The following ABCB5 variants were observed in gnomAD, a reference collection of about 807,000 sequenced individuals.
ABCB5 encodes the protein ATP binding cassette subfamily B member 5.
In ABCB5, 155 loss-of-function variants were observed where a neutral mutation model predicts 144.2. The ratio of observed to expected loss-of-function variants is 1.08; its 90% CI spans 0.94 to 1.23. The LOEUF (loss-of-function observed/expected upper bound fraction) is 1.23, where lower values mean the gene tolerates loss of function less well. Ranked by LOEUF, ABCB5 falls within the 50% of genes most tolerant of loss-of-function variation. The probability of loss-of-function intolerance (pLI) is 0.00; values close to 1 mark genes in which losing one functional copy is unlikely to be tolerated. For missense variants in ABCB5, 1,830 were observed against 1,520.8 expected, an observed-to-expected ratio of 1.20 and a Z score of -3.38; for synonymous variants, 610 against 528.6, an observed-to-expected ratio of 1.15 and a Z score of -2.11.
chr7:20,688,985 G>C (rs561517526), intron 16 of ABCB5, among the ~76,000 whole-genome samples: 12 of 151,538 alleles, frequency 7.9e-5, no homozygotes, highest in Non-Finnish European at 1.5e-4. Flanking sequence ...GGAGAGGGGG[G>C]AGGGATAGCA....
At chr7:20,749,074 TTCTC>T (rs1167383734) in intron 26 of ABCB5, among the ~76,000 whole-genome samples, 6 of 151,670 alleles carry the variant, frequency 4.0e-5, no homozygotes, top group South Asian at 2.1e-4. Flanking sequence ...CTCCCTTTCT[TTCTC>T]TTTCTTTCTT....
At chr7:20,691,919 G>C (rs1345181057) in intron 16 of ABCB5, among the ~76,000 whole-genome samples, 1 of 151,318 alleles carries the variant, frequency 6.6e-6, no homozygotes, top group African/African-American at 2.4e-5. Flanking sequence ...CAAAAAAGGA[G>C]AAAAAAAATG....
At chr7:20,695,529 A>C (rs886575328) in intron 16 of ABCB5, among the ~76,000 whole-genome samples, 3 of 151,954 alleles carry the variant, frequency 2.0e-5, no homozygotes, top group African/African-American at 7.2e-5. Context: ...TAAATATAAC[A>C]ACAAATGCAT....
At chr7:20,691,799 A>C (rs902819679) in intron 16 of ABCB5, among the ~76,000 whole-genome samples, 13 of 152,060 alleles carry the variant, frequency 8.5e-5, no homozygotes, top group African/African-American at 2.7e-4. Flanking sequence ...AGTAATTTAA[A>C]TGTGTTCCAG....
At chr7:20,739,336 A>G (rs955647250) in intron 24 of ABCB5, among the ~76,000 whole-genome samples, 197 bp downstream of exon 24, 3 of 152,196 alleles carry the variant, frequency 2.0e-5, no homozygotes, top group African/African-American at 4.8e-5. Flanking sequence ...AAACCTGCGC[A>G]TATACTCCTG....
chr7:20,625,368 A>G (rs1004970727), intron 2 of ABCB5, among the ~76,000 whole-genome samples: 1 of 151,942 alleles, frequency 6.6e-6, no homozygotes, highest in Non-Finnish European at 1.5e-5. Flanking sequence ...TTAATGTTTC[A>G]GAATTTTGCG....
At position 20,723,155 on chromosome 7, in the gene ABCB5, T is replaced by C. The variant is rs777722097; in HGVS notation, c.2561T>C (p.Ile854Thr). The C allele has an allele frequency of 5.0e-6, 8 of 1,614,018 alleles. No homozygotes were observed. The highest frequency in any genetic ancestry group is 1.6e-4 in the Middle Eastern group (1 of 6,082). The change falls in exon 21 of 28, where the codon ATT becomes ACT. Residue 854 changes from isoleucine to threonine, a missense_variant. Transcript: ENST00000404938. The part of the protein sequence containing the change: ...IAPVLAVTGM[I>T]ETAAMTGFAN... ...CCAGTACTTGCCGTGACAGGAATGA[T>C]TGAAACCGCAGCAATGACTGGATTT... is the stretch of plus-strand genomic sequence containing the variant.
chr7:20,689,439 T>G (rs1786133349), intron 16 of ABCB5, among the ~76,000 whole-genome samples: 1 of 152,200 alleles, frequency 6.6e-6, no homozygotes, highest in Admixed American at 6.5e-5. Flanking sequence ...TACTGGCCAC[T>G]GAGCACTACT....
At chr7:20,704,621 G>A (rs1786755285) in intron 19 of ABCB5, 103 bp from the exon 20 acceptor site, 4 of 758,342 alleles carry the variant, frequency 5.3e-6, no homozygotes, top group Non-Finnish European at 8.7e-6. Context: ...GTACCTGTGA[G>A]TGAGGAGGCA....
At chr7:20,645,620 A>T in intron 7 of ABCB5, 136 bp from the exon 8 acceptor site, 1 of 1,131,426 alleles carries the variant, frequency 8.8e-7, no homozygotes, top group South Asian at 1.8e-5. Flanking sequence ...TTGAAGACAA[A>T]TTTTTAAAAA....
At chr7:20,652,035 T>C (rs1253332361) in intron 13 of ABCB5, among the ~76,000 whole-genome samples, 2 of 152,168 alleles carry the variant, frequency 1.3e-5, no homozygotes, top group African/African-American at 2.4e-5. Flanking sequence ...AAAAGAATCA[T>C]ATTTTGTTCT....
At chr7:20,739,632 G>T (rs1209921971) in intron 24 of ABCB5, among the ~76,000 whole-genome samples, 2 of 151,222 alleles carry the variant, frequency 1.3e-5, no homozygotes, top group African/African-American at 4.9e-5. Context: ...GAATGTTCTT[G>T]AAAAAAAAGA....
At chr7:20,663,818 C>G (rs1422828082) in intron 14 of ABCB5, among the ~76,000 whole-genome samples, 1 of 149,740 alleles carries the variant, frequency 6.7e-6, no homozygotes, top group Non-Finnish European at 1.5e-5. Flanking sequence ...CAGGTTCAAG[C>G]GATTCTCCTG....
At chr7:20,653,387 G>A (rs1323988985) in intron 13 of ABCB5, among the ~76,000 whole-genome samples, 1 of 152,176 alleles carries the variant, frequency 6.6e-6, no homozygotes, top group Non-Finnish European at 1.5e-5. Context: ...ATTTAGGTAG[G>A]TAAAAAATTG....
At chr7:20,642,608 C>T (rs968792742) in intron 5 of ABCB5, among the ~76,000 whole-genome samples, 2 of 147,976 alleles carry the variant, frequency 1.4e-5, no homozygotes, top group African/African-American at 4.9e-5. Flanking sequence ...GTCTCTAGAC[C>T]CTCACACATA....
At chr7:20,715,981 T>G (rs147936467) in intron 20 of ABCB5, among the ~76,000 whole-genome samples, 70 of 152,066 alleles carry the variant, frequency 4.6e-4, no homozygotes, top group African/African-American at 1.6e-3. Context: ...CGGCCTGTAA[T>G]CCCAAAGTGC....
intron 17 of ABCB5, 53 bp downstream of exon 17, chr7:20,698,603 T>C: frequency 6.6e-7 from 1 of 1,511,590 alleles, no homozygotes; most frequent in East Asian, 2.3e-5. Context: ...AAGTATGACC[T>C]GAGAGAACAA....
intron 20 of ABCB5, 123 bp downstream of exon 20, chr7:20,704,930 G>A: frequency 3.2e-6 from 2 of 632,610 alleles, no homozygotes; most frequent in Non-Finnish European, 5.0e-6. Context: ...ATGAGGCCAG[G>A]TAAGTCTCAC....
Position 20,681,610 on chromosome 7 carries a change from GCA to G in ABCB5, c.1816_1817del (p.His606CysfsTer2). 1 of 1,614,162 alleles carries G rather than the reference GCA, an allele frequency of 6.2e-7. No individual in the cohort carries two copies. The highest frequency in any genetic ancestry group is 1.3e-5 in the African/African-American group (1 of 75,026). On this transcript the variant is annotated frameshift_variant, in exon 15 of 28. Transcript: ENST00000404938. LOFTEE classifies it high-confidence loss of function. ...GGATGGAATGCTGGCGGAGAAAGGA[GCA>G]CATGCTGAACTAATGGCAAAACGAG... is the stretch of plus-strand genomic sequence containing the variant. The part of the protein sequence containing the change: ...LKDGMLAEKG[A>X]HAELMAKRGL...
Sources: gnomAD v4.1 joint callset for allele counts (sites outside exome capture counted in the v4.1 genomes callset) on GRCh38, gnomAD v4.1.1 for gene constraint, MANE v1.5 for transcripts, NCBI Gene and HGNC (gene_info 2026-07-23, HGNC 2026-07-21) for gene names.